The following COL4A3 variants were observed in gnomAD, a reference collection of about 807,000 sequenced individuals.
The protein encoded by COL4A3 is collagen type IV alpha 3 chain, also known as collagen alpha-3(IV) chain.
Under a neutral mutation model 217.4 loss-of-function variants are expected in COL4A3, and 135 were observed. That is an observed-to-expected ratio of 0.62 (90% CI 0.54 to 0.72). The LOEUF is 0.72. Ranked by LOEUF, COL4A3 falls within the 30% of genes least tolerant of loss-of-function variation. The pLI is 0.00. For missense variants in COL4A3, 1,868 were observed against 2,119.9 expected (o/e 0.88, Z 2.33); for synonymous variants, 690 against 736.3 (o/e 0.94, Z 1.02).
intron 1 of COL4A3, among the ~76,000 whole-genome samples, chr2:227,196,443 G>A (rs1416117681): frequency 3.3e-5 from 5 of 150,808 alleles, no homozygotes; most frequent in African/African-American, 1.2e-4. Flanking sequence ...TCAGCCTCCC[G>A]AGTAGCTGGG....
chr2:227,200,575 A>G (rs575498922), intron 1 of COL4A3, among the ~76,000 whole-genome samples: 85 of 152,348 alleles, frequency 5.6e-4, no homozygotes, highest in African/African-American at 1.9e-3. Flanking sequence ...TCTAGTGTGC[A>G]TTGGAGGCAG....
Position 227,254,103 on chromosome 2 carries a change from C to G in COL4A3, c.766-9C>G, listed in dbSNP as rs757816084. ...CATTTGTAACAATGTTGAACTGTTT[C>G]TTTGGCAGGACCTCAAGGGGGAAAA... On this transcript the variant is annotated splice_polypyrimidine_tract_variant and intron_variant, in intron 13 of 51. Coordinates refer to ENST00000396578, the MANE Select transcript of COL4A3 (RefSeq NM_000091.5). 6.2e-7 allele frequency: 1 copy of G among 1,613,318 alleles called. No homozygotes were observed. The highest frequency in any genetic ancestry group is 1.1e-5 in the South Asian group (1 of 91,068).
chr2:227,252,557 T>C (rs1182416082), intron 11 of COL4A3, among the ~76,000 whole-genome samples: 1 of 149,026 alleles, frequency 6.7e-6, no homozygotes, highest in Non-Finnish European at 1.5e-5. Context: ...GATACTTTCA[T>C]ATTTATTATC....
At chr2:227,269,871 G>C (rs761698248) in intron 23 of COL4A3, 39 bp from the exon 24 acceptor site, 14 of 1,572,124 alleles carry the variant, frequency 8.9e-6, no homozygotes, top group Admixed American at 5.0e-5. Flanking sequence ...TAGAGTTGGC[G>C]TTCAATGAGG....
At chr2:227,293,528 T>C (rs2072879146) in intron 38 of COL4A3, among the ~76,000 whole-genome samples, 1 of 152,208 alleles carries the variant, frequency 6.6e-6, no homozygotes, top group African/African-American at 2.4e-5. Context: ...TACAAAAATA[T>C]GTTCCTATAA....
At position 227,295,090 on chromosome 2, in the gene COL4A3, G is replaced by A. The variant is rs139858158; in HGVS notation, c.3517+28G>A. 380 of 1,596,812 alleles carry A rather than the reference G, an allele frequency of 2.4e-4. 2 individuals carry two copies. In the East Asian group the frequency reaches 6.5e-3, roughly 27 times the overall value. On this transcript the variant is annotated intron_variant, in intron 40 of 51. Transcript: ENST00000396578. ...ACAACTTGCTCATTATCTTTGATCCGTTAGTTTTATTTTGGATAGAATCAT... is the reference window on the plus strand; with the variant it reads ...ACAACTTGCTCATTATCTTTGATCCATTAGTTTTATTTTGGATAGAATCAT...
Position 227,250,761 on chromosome 2 carries a change from T to C in COL4A3, c.547-379T>C, listed in dbSNP as rs1315295217. Among the ~76,000 whole-genome samples, 3 of 152,038 alleles carry C rather than the reference T, an allele frequency of 2.0e-5. No individual in the cohort carries two copies. The highest frequency in any genetic ancestry group is 2.9e-5 in the Non-Finnish European group (2 of 68,020). ...AGGAAAAGGGAGTGAGTTATACTGATACCTGGGAAAAGGGGATTCTAGGCA... is the reference window on the plus strand; with the variant it reads ...AGGAAAAGGGAGTGAGTTATACTGACACCTGGGAAAAGGGGATTCTAGGCA... On this transcript the variant is annotated intron_variant, in intron 9 of 51. Coordinates refer to ENST00000396578, the MANE Select transcript of COL4A3 (RefSeq NM_000091.5). This position sits in a 1 kb window ranked among gnomAD's most constrained non-coding sequence, Gnocchi z 4.1.
At position 227,314,457 on chromosome 2, in the gene COL4A3, G is replaced by T. The variant is rs2073837931; in HGVS notation, c.*2587G>T. On this transcript the variant is annotated 3_prime_UTR_variant, in exon 52 of 52. Coordinates refer to ENST00000396578, the MANE Select transcript of COL4A3 (RefSeq NM_000091.5). Reference sequence around the variant, plus strand: ...CTTTAAAATTGGGGCTTCAACTTTGGAATTTCACAGCGTGCTAAAATAACA... The same window carrying T: ...CTTTAAAATTGGGGCTTCAACTTTGTAATTTCACAGCGTGCTAAAATAACA... 6.6e-6 allele frequency: 1 copy of T among 152,490 alleles called. No homozygotes were observed. Among genetic ancestry groups the T allele is most frequent in the African/African-American group, 2.4e-5 (1 of 41,406 alleles). The allele number at this position is 152,490 out of a possible 1,614,324, so 9.4% of individuals were successfully genotyped here.
chr2:227,190,935 A>G (rs898362444), intron 1 of COL4A3, among the ~76,000 whole-genome samples: 1 of 152,228 alleles, frequency 6.6e-6, no homozygotes, highest in African/African-American at 2.4e-5. Context: ...CTGAAAAGTT[A>G]AAAGGAAAAA....
chr2:227,241,765 A>G (rs547403320), intron 3 of COL4A3, among the ~76,000 whole-genome samples: 4 of 152,210 alleles, frequency 2.6e-5, no homozygotes, highest in Non-Finnish European at 5.9e-5. Context: ...AACCTACTGC[A>G]TATGTACTCT....
Position 227,280,503 on chromosome 2 carries a change from A to G in COL4A3, c.2287A>G (p.Asn763Asp). The G allele has an allele frequency of 6.2e-7, 1 of 1,614,150 alleles. No individual in the cohort carries two copies. Among genetic ancestry groups the G allele is most frequent in the South Asian group, 1.1e-5 (1 of 91,080 alleles). Residue 763 changes from asparagine (N) to aspartate (D), a missense_variant, in exon 30 of 52, where the codon AAT (asparagine) becomes GAT (aspartate). Coordinates refer to ENST00000396578, the MANE Select transcript of COL4A3 (RefSeq NM_000091.5). ...ACCAGGTTTTCCAGGAGAAAGAGGC[A>G]ATTCTGGGGAACATGGAGAAATTGG... is the stretch of plus-strand genomic sequence containing the variant. ...GTPGFPGERG[N>D]SGEHGEIGLP...
At chr2:227,188,901 G>T (rs989300073) in intron 1 of COL4A3, among the ~76,000 whole-genome samples, 3 of 152,222 alleles carry the variant, frequency 2.0e-5, no homozygotes, top group Non-Finnish European at 4.4e-5. Flanking sequence ...ATGGGCAATT[G>T]TAATGTCACA....
intron 1 of COL4A3, among the ~76,000 whole-genome samples, chr2:227,215,500 C>A (rs2067493503): frequency 6.6e-6 from 1 of 152,030 alleles, no homozygotes. Context: ...GCTCTGTCGC[C>A]CAGGCTGGAG....
intron 1 of COL4A3, among the ~76,000 whole-genome samples, chr2:227,219,513 G>A (rs2067673567): frequency 2.0e-5 from 3 of 152,068 alleles, no homozygotes. Flanking sequence ...TATTTACTTG[G>A]TATTAGTCAT....
At chr2:227,272,813 T>G in intron 25 of COL4A3, 136 bp from the exon 26 acceptor site, 3 of 965,246 alleles carry the variant, frequency 3.1e-6, no homozygotes, top group Non-Finnish European at 4.9e-6. Flanking sequence ...TAGTAATAAT[T>G]CTCATCAAAT....
Position 227,274,422 on chromosome 2 carries a change from T to A in COL4A3, c.1927+1305T>A, listed in dbSNP as rs183566766. Among the ~76,000 whole-genome samples the A allele has an allele frequency of 8.0e-4, 122 of 152,038 alleles. No individual in the cohort carries two copies. In the East Asian group the frequency reaches 0.014, roughly 17 times the overall value. ...ATTTCTGTCCACACATGTATGTAAATCTTATTTTATGACTTTCTCTATATA... is the reference window on the plus strand; with the variant it reads ...ATTTCTGTCCACACATGTATGTAAAACTTATTTTATGACTTTCTCTATATA... On this transcript the variant is annotated intron_variant, in intron 26 of 51. Transcript: ENST00000396578.
chr2:227,169,289 G>A (rs1361451734), intron 1 of COL4A3: 10 of 151,158 alleles, frequency 6.6e-5, no homozygotes, highest in Admixed American at 4.6e-4. Context: ...CCAGTCTATC[G>A]TTGTTGGATA....
chr2:227,174,953 G>A (rs2065624815), intron 1 of COL4A3, among the ~76,000 whole-genome samples: 1 of 152,218 alleles, frequency 6.6e-6, no homozygotes, highest in South Asian at 2.1e-4. Flanking sequence ...GCAGCCCAGT[G>A]AAGAGACAAA....
chr2:227,209,388 T>A (rs1413817821), intron 1 of COL4A3, among the ~76,000 whole-genome samples: 2 of 152,214 alleles, frequency 1.3e-5, no homozygotes, highest in Non-Finnish European at 2.9e-5. Flanking sequence ...CTTCTGGACT[T>A]TGCTTGTCAT....
Sources: gnomAD v4.1 joint callset for allele counts (sites outside exome capture counted in the v4.1 genomes callset) on GRCh38, gnomAD v4.1.1 for gene constraint, Gnocchi (gnomAD v3.1) non-coding constraint, MANE v1.5 for transcripts, NCBI Gene and HGNC (gene_info 2026-07-23, HGNC 2026-07-21) for gene names.